The following LPP variants were observed in gnomAD, a reference collection of about 807,000 sequenced individuals.
The protein encoded by LPP is lipoma-preferred partner.
LPP carries 38 observed loss-of-function variants against 60.4 expected under a neutral mutation model. The observed-to-expected ratio is 0.63, with a 90% CI of 0.49 to 0.83. The LOEUF is 0.83. Ranked by LOEUF, LPP falls within the 40% of genes least tolerant of loss-of-function variation. LPP has a pLI of 0.00. For synonymous variants in LPP, 328 were observed against 290.8 expected, an observed-to-expected ratio of 1.13 and a Z score of -1.30; for missense variants, 902 against 783.6, an observed-to-expected ratio of 1.15 and a Z score of -1.80.
At chr3:188,220,816 TCA>T (rs1263851631) in intron 1 of LPP, among the ~76,000 whole-genome samples, 1 of 151,966 alleles carries the variant, frequency 6.6e-6, no homozygotes, top group Non-Finnish European at 1.5e-5. Flanking sequence ...GAGGAAAGGG[TCA>T]CTGAAGGTAT....
At chr3:188,412,495 G>A (rs943055421) in intron 4 of LPP, among the ~76,000 whole-genome samples, 12 of 152,132 alleles carry the variant, frequency 7.9e-5, no homozygotes, top group African/African-American at 2.9e-4. Context: ...TAGAACAGAT[G>A]TTATTGTCAT....
intron 8 of LPP, among the ~76,000 whole-genome samples, chr3:188,731,712 C>A (rs2150046735): frequency 6.6e-6 from 1 of 152,054 alleles, no homozygotes; most frequent in East Asian, 1.9e-4. Context: ...TCAGTAGAGA[C>A]AGGGTTTCAC....
chr3:188,773,813 T>C (rs1736850826), intron 9 of LPP, among the ~76,000 whole-genome samples: 1 of 151,898 alleles, frequency 6.6e-6, no homozygotes, highest in South Asian at 2.1e-4. Context: ...GCTAAATGTG[T>C]TGGGGCCTCA....
chr3:188,361,648 C>T (rs927145457), intron 3 of LPP, among the ~76,000 whole-genome samples: 1 of 151,180 alleles, frequency 6.6e-6, no homozygotes, highest in African/African-American at 2.4e-5. Context: ...CTCACTGCAA[C>T]CTCCACCTCC....
At chr3:188,561,210 C>T (rs916134920) in intron 6 of LPP, among the ~76,000 whole-genome samples, 4 of 152,010 alleles carry the variant, frequency 2.6e-5, no homozygotes, top group African/African-American at 4.8e-5. Context: ...TTATTAAGCC[C>T]GAAGGATATT....
intron 2 of LPP, among the ~76,000 whole-genome samples, chr3:188,308,340 G>A (rs2150226039): frequency 6.6e-6 from 1 of 152,226 alleles, no homozygotes; most frequent in South Asian, 2.1e-4. Flanking sequence ...CTATAACTCT[G>A]CTTCTAGATG....
intron 4 of LPP, among the ~76,000 whole-genome samples, chr3:188,408,863 G>T: frequency 6.6e-6 from 1 of 151,894 alleles, no homozygotes. Flanking sequence ...TCCAGCATGC[G>T]GTACTGCCTG....
chr3:188,694,438 C>T (rs1862767946), intron 7 of LPP, among the ~76,000 whole-genome samples: 2 of 152,154 alleles, frequency 1.3e-5, no homozygotes, highest in Admixed American at 6.5e-5. Flanking sequence ...CATGGTGGCT[C>T]ATGCCTGTAA....
At chr3:188,612,164 A>T (rs577199560) in intron 7 of LPP, among the ~76,000 whole-genome samples, 1 of 152,312 alleles carries the variant, frequency 6.6e-6, no homozygotes, top group African/African-American at 2.4e-5. Flanking sequence ...TGCATTGAAA[A>T]AATGAAAATC....
At chr3:188,608,654 T>C (rs966681906) in intron 6 of LPP, among the ~76,000 whole-genome samples, 2 of 152,174 alleles carry the variant, frequency 1.3e-5, no homozygotes, top group Admixed American at 1.3e-4. Context: ...CTTTTTGTGG[T>C]CTTTTGTGGT....
intron 1 of LPP, among the ~76,000 whole-genome samples, chr3:188,162,539 T>C (rs146196050): frequency 1.3e-5 from 2 of 152,350 alleles, no homozygotes; most frequent in East Asian, 3.9e-4. Flanking sequence ...TTCAAAGATC[T>C]GGGCTTCACC....
intron 3 of LPP, among the ~76,000 whole-genome samples, chr3:188,392,044 C>T (rs1578557532): frequency 6.6e-6 from 1 of 152,180 alleles, no homozygotes; most frequent in Admixed American, 6.5e-5. Context: ...GTTTGAGTGT[C>T]GATCTACCAT....
At chr3:188,843,545 C>T (rs28548235) in intron 9 of LPP, among the ~76,000 whole-genome samples, 116,677 of 151,430 alleles carry the variant, frequency 0.77, 45,939 homozygotes, top group African/African-American at 0.93. Context: ...CCCAGCACTT[C>T]GGGAGGCCGA....
intron 1 of LPP, among the ~76,000 whole-genome samples, chr3:188,203,511 A>ATATT (rs1553811201): frequency 2.5e-3 from 137 of 54,226 alleles, no homozygotes; most frequent in African/African-American, 7.7e-3. Flanking sequence ...AAATATATAT[A>ATATT]TTTAAATATA....
chr3:188,655,839 A>G (rs1853070681), intron 7 of LPP, among the ~76,000 whole-genome samples: 1 of 152,100 alleles, frequency 6.6e-6, no homozygotes, highest in Non-Finnish European at 1.5e-5. Flanking sequence ...TGCAGCTCTT[A>G]CCAGTGACTT....
intron 6 of LPP, among the ~76,000 whole-genome samples, chr3:188,535,828 G>T (rs1471941840): frequency 6.6e-6 from 1 of 151,960 alleles, no homozygotes; most frequent in Non-Finnish European, 1.5e-5. Flanking sequence ...ATTCTCCACA[G>T]AACTGAAGAA....
At chr3:188,246,214 A>T (rs1726895836) in intron 2 of LPP, among the ~76,000 whole-genome samples, 1 of 151,958 alleles carries the variant, frequency 6.6e-6, no homozygotes, top group African/African-American at 2.4e-5. Context: ...ATTAACATTA[A>T]ATCTCTGGTA....
intron 2 of LPP, among the ~76,000 whole-genome samples, chr3:188,296,889 A>G (rs1308160774): frequency 6.6e-6 from 1 of 152,180 alleles, no homozygotes; most frequent in Non-Finnish European, 1.5e-5. Flanking sequence ...CTCCAAACTC[A>G]ATAATTGGGT....
intron 9 of LPP, among the ~76,000 whole-genome samples, chr3:188,797,115 C>CCCTCCTCCTCCTCCT (rs4011849): frequency 7.5e-4 from 113 of 149,766 alleles, no homozygotes; most frequent in African/African-American, 2.8e-3. Flanking sequence ...AGCTCTTTTC[C>CCCTCCTCCTCCTCCT]CCTCCTCCTC....
Sources: gnomAD v4.1 joint callset for allele counts (sites outside exome capture counted in the v4.1 genomes callset) on GRCh38, gnomAD v4.1.1 for gene constraint, MANE v1.5 for transcripts, NCBI Gene and HGNC (gene_info 2026-07-23, HGNC 2026-07-21) for gene names.